The following ABCB5 variants were observed in gnomAD, a reference collection of about 807,000 sequenced individuals.
The protein encoded by ABCB5 is ATP binding cassette subfamily B member 5.
Under a neutral mutation model 144.2 loss-of-function variants are expected in ABCB5, and 155 were observed. That is an observed-to-expected ratio of 1.08 (90% CI 0.94 to 1.23). The LOEUF is 1.23. Among genes scored for constraint, ABCB5 ranks in the 50% most tolerant of loss-of-function variants. The pLI is 0.00. For missense variants in ABCB5, 1,830 were observed against 1,520.8 expected (o/e 1.20, Z -3.38); for synonymous variants, 610 against 528.6 (o/e 1.15, Z -2.11).
intron 14 of ABCB5, among the ~76,000 whole-genome samples, chr7:20,666,188 A>AG (rs1491029763): frequency 3.7e-4 from 55 of 147,920 alleles, no homozygotes; most frequent in African/African-American, 1.3e-3. Context: ...AAAAAAAAAA[A>AG]AGTTGACGAT....
intron 16 of ABCB5, among the ~76,000 whole-genome samples, chr7:20,691,828 T>C (rs544302175): frequency 2.4e-4 from 36 of 152,068 alleles, no homozygotes; most frequent in Admixed American, 9.2e-4. Flanking sequence ...TCAGTAACAT[T>C]TACGAGAATT....
Position 20,738,858 on chromosome 7 carries a change from C to T in ABCB5, c.2868-125C>T, listed in dbSNP as rs145101606. 9.1e-5 allele frequency: 96 copies of T among 1,056,954 alleles called. No individual in the cohort carries two copies. In the African/African-American group the frequency reaches 1.3e-3, roughly 14 times the overall value. The allele number at this position is 1,056,954 out of a possible 1,614,324, so 65.5% of individuals were successfully genotyped here. A position where few individuals can be genotyped will look rare whatever the true frequency, so the allele number is the denominator to read the frequency against. ...AAGAGATAACTTGGTGGGTCTTCAG[C>T]GTTAGGGGTGCCGTCTACATCAAAA... On this transcript the variant is annotated intron_variant, in intron 23 of 27. Transcript: ENST00000404938.
At chr7:20,628,192 T>C (rs1485757037) in intron 3 of ABCB5, among the ~76,000 whole-genome samples, 6 of 152,030 alleles carry the variant, frequency 3.9e-5, no homozygotes, top group Non-Finnish European at 7.4e-5. Context: ...CGGTGTGTGA[T>C]GTTCCCCACC....
At chr7:20,674,205 A>T (rs1478133724) in intron 14 of ABCB5, among the ~76,000 whole-genome samples, 2 of 151,918 alleles carry the variant, frequency 1.3e-5, no homozygotes, top group African/African-American at 4.8e-5. Context: ...TTCTCCATGC[A>T]CTACGGAGTT....
chr7:20,647,918 T>C (rs760685994), intron 10 of ABCB5, 50 bp from the exon 11 acceptor site: 4 of 1,242,230 alleles, frequency 3.2e-6, no homozygotes, highest in South Asian at 2.5e-5. Context: ...ATGTAGAGAC[T>C]GTCAGTTTAC....
chr7:20,660,445 C>T (rs973260953), intron 14 of ABCB5: 2 of 966,384 alleles, frequency 2.1e-6, no homozygotes, highest in African/African-American at 3.5e-5. Context: ...AAAGGGTAAC[C>T]AATAGGATGA....
rs181933671 is a variant in ABCB5 at position 20,623,174 on chromosome 7, T to C, written c.-21-91T>C. The C allele has an allele frequency of 1.7e-4, 130 of 774,954 alleles. 1 individual carries two copies. In the East Asian group the frequency reaches 3.7e-3, roughly 22 times the overall value. 48.0% of individuals were successfully genotyped at this position (774,954 alleles called of 1,614,324 possible). On this transcript the variant is annotated intron_variant, in intron 1 of 27. Coordinates refer to ENST00000404938, the MANE Select transcript of ABCB5 (RefSeq NM_001163941.2). ...TTCTGAGATGCTTCCTTTTTCAAAC[T>C]GTGAGAGATGTGGGATGTAAAGAAT...
intron 23 of ABCB5, among the ~76,000 whole-genome samples, chr7:20,737,189 C>T (rs1782407959): frequency 6.6e-6 from 1 of 151,950 alleles, no homozygotes. Context: ...AGATTAGTGT[C>T]CCTCACTCAA....
At chr7:20,647,457 C>A in intron 9 of ABCB5, 78 bp from the exon 10 acceptor site, 2 of 1,457,028 alleles carry the variant, frequency 1.4e-6, no homozygotes, top group Non-Finnish European at 1.8e-6. Flanking sequence ...GAGCCTAAAC[C>A]AATAATTATA....
chr7:20,657,686 T>C (rs979686189), intron 13 of ABCB5, among the ~76,000 whole-genome samples: 4 of 152,212 alleles, frequency 2.6e-5, no homozygotes, highest in Non-Finnish European at 5.9e-5. Context: ...ATATCTTTAT[T>C]GGTATGGTGG....
At chr7:20,688,143 A>T (rs1786064492) in intron 16 of ABCB5, among the ~76,000 whole-genome samples, 1 of 152,012 alleles carries the variant, frequency 6.6e-6, no homozygotes, top group Non-Finnish European at 1.5e-5. Flanking sequence ...CAGTGAGCTA[A>T]GATCATGCCA....
At chr7:20,685,313 A>G (rs1005890881) in intron 15 of ABCB5, among the ~76,000 whole-genome samples, 1 of 152,154 alleles carries the variant, frequency 6.6e-6, no homozygotes, top group Admixed American at 6.5e-5. Flanking sequence ...TAAGTACCCA[A>G]CTAAATACTA....
intron 12 of ABCB5, among the ~76,000 whole-genome samples, chr7:20,650,478 T>C (rs1193674577): frequency 6.6e-6 from 1 of 151,972 alleles, no homozygotes; most frequent in Non-Finnish European, 1.5e-5. Context: ...TGGAGAAAAA[T>C]AGCGTATTAA....
At chr7:20,618,764 C>CTTTTTTT (rs59970398) in intron 1 of ABCB5, among the ~76,000 whole-genome samples, 3,070 of 51,654 alleles carry the variant, frequency 0.059, 546 homozygotes, top group Non-Finnish European at 0.072. Context: ...GCTGCATTTT[C>CTTTTTTT]TTTTTTTTTT....
chr7:20,694,987 A>G (rs1230082639), intron 16 of ABCB5, among the ~76,000 whole-genome samples: 1 of 152,040 alleles, frequency 6.6e-6, no homozygotes, highest in Non-Finnish European at 1.5e-5. Flanking sequence ...AATGTGAGTG[A>G]ATAAGAAAAT....
At chr7:20,709,540 G>A (rs2128045682) in intron 20 of ABCB5, among the ~76,000 whole-genome samples, 1 of 149,824 alleles carries the variant, frequency 6.7e-6, no homozygotes, top group Admixed American at 6.7e-5. Context: ...GGCATTGAAA[G>A]TCCACATTTC....
intron 1 of ABCB5, among the ~76,000 whole-genome samples, chr7:20,621,937 G>A (rs1033651638): frequency 1.3e-5 from 2 of 152,070 alleles, no homozygotes; most frequent in Non-Finnish European, 2.9e-5. Context: ...TTTTTAAAAA[G>A]AGTGTTTATT....
At chr7:20,742,731 A>T in intron 24 of ABCB5, 146 bp from the exon 25 acceptor site, 1 of 709,824 alleles carries the variant, frequency 1.4e-6, no homozygotes, top group Non-Finnish European at 2.3e-6. Context: ...CTTGCAGTCA[A>T]CAGCTCTACA....
rs533567981 is a variant in ABCB5 at position 20,650,126 on chromosome 7, A to T, written c.1311A>T (p.Leu437Phe). ...KSTVVQLLQR[L>F]YDPDDGFIMV... The stretch of plus-strand genomic sequence containing the variant: ...CGGTAGTCCAGCTTCTGCAGAGGTT[A>T]TATGATCCGGATGATGGCTTTGTAA... Residue 437 changes from leucine to phenylalanine, a missense_variant, in exon 12 of 28, where the codon TTA becomes TTT. Physicochemically the swap from Leu to Phe is conservative, Grantham distance 22. Transcript: ENST00000404938. 169 of 1,613,558 alleles carry T rather than the reference A, an allele frequency of 1.0e-4. No individual in the cohort carries two copies. In the East Asian group the frequency reaches 3.7e-3, roughly 36 times the overall value.
Sources: gnomAD v4.1 joint callset for allele counts (sites outside exome capture counted in the v4.1 genomes callset) on GRCh38, gnomAD v4.1.1 for gene constraint, MANE v1.5 for transcripts, NCBI Gene and HGNC (gene_info 2026-07-23, HGNC 2026-07-21) for gene names.